The following CLIP1 variants were observed in gnomAD, a reference collection of about 807,000 sequenced individuals.
CLIP1 encodes the protein CAP-Gly domain containing linker protein 1, also known as CAP-Gly domain-containing linker protein 1.
A neutral mutation model predicts 161.6 loss-of-function variants in CLIP1; 66 were observed. The ratio of observed to expected loss-of-function variants is 0.41; its 90% CI spans 0.33 to 0.50. The LOEUF is 0.50. Among genes scored for constraint, CLIP1 ranks in the 20% least tolerant of loss-of-function variants. CLIP1 has a pLI of 0.27. For synonymous variants in CLIP1, 598 were observed against 626.2 expected, an observed-to-expected ratio of 0.96 and a Z score of 0.67; for missense variants, 1,376 against 1,702.0, an observed-to-expected ratio of 0.81 and a Z score of 3.37.
At chr12:122,400,893 G>C (rs1415872087) in intron 1 of CLIP1, 1 of 146,874 alleles carries the variant, frequency 6.8e-6, no homozygotes, top group Non-Finnish European at 1.5e-5. Context: ...AGCATTACAG[G>C]GTTTCCCAAC....
chr12:122,289,425 A>C (rs1376326868), intron 20 of CLIP1, among the ~76,000 whole-genome samples: 3 of 151,876 alleles, frequency 2.0e-5, no homozygotes, highest in Non-Finnish European at 4.4e-5. Flanking sequence ...TCTAAAAAAA[A>C]AAAATTGTTA....
Position 122,323,696 on chromosome 12 carries a change from G to C in CLIP1, c.3249+4251C>G, listed in dbSNP as rs769218477. On this transcript the variant is annotated intron_variant, in intron 17 of 25. Coordinates refer to ENST00000620786, the MANE Select transcript of CLIP1 (RefSeq NM_001247997.2). The surrounding 1 kb of genome is among the most constrained non-coding windows in gnomAD (Gnocchi z 4.1). ...AACATTATCTCGTTCTACCTTTAAG[G>C]CTATGCACGTGTTATCGAGATTGGA... The C allele has an allele frequency of 4.6e-5, 7 of 152,570 alleles. No homozygotes were observed. The highest frequency in any genetic ancestry group is 1.0e-4 in the Non-Finnish European group (7 of 68,036). The allele number at this position is 152,570 out of a possible 1,614,324, so 9.5% of individuals were successfully genotyped here.
chr12:122,352,921 A>C (rs1953117164), intron 7 of CLIP1, 135 bp from the exon 8 acceptor site: 2 of 704,296 alleles, frequency 2.8e-6, no homozygotes, highest in African/African-American at 3.6e-5. Flanking sequence ...TGGGAGGTGG[A>C]GGCAGGAGGA....
At chr12:122,300,865 A>C (rs12423987) in intron 20 of CLIP1, among the ~76,000 whole-genome samples, 32,535 of 152,028 alleles carry the variant, frequency 0.21, 4,728 homozygotes, top group East Asian at 0.62. Context: ...GCATTCACCA[A>C]ATGATCAAAA....
rs772814616 is a variant in CLIP1 at position 122,316,845 on chromosome 12, A to C, written c.3377T>G (p.Leu1126Arg). ...NAKLQNELDT[L>R]KENNLKNVEE... is the part of the protein sequence containing the mutation. ...CACATTTTTCAAGTTGTTTTCTTTA[A>C]GTGTGTCCAACTTAAAGACCAAGAG... is the stretch of plus-strand genomic sequence containing the variant. Residue 1126 changes from leucine to arginine, a missense_variant, in exon 19 of 26, where the codon CTT becomes CGT. Physicochemically the swap from Leu to Arg is moderately radical, Grantham distance 102. Coordinates refer to ENST00000620786, the MANE Select transcript of CLIP1 (RefSeq NM_001247997.2). 3.2e-6 allele frequency: 5 copies of C among 1,568,836 alleles called. No individual in the cohort carries two copies. The highest frequency in any genetic ancestry group is 4.3e-6 in the Non-Finnish European group (5 of 1,158,836).
At chr12:122,275,148 C>T (rs1955356101) in intron 24 of CLIP1, 1 of 152,026 alleles carries the variant, frequency 6.6e-6, no homozygotes, top group Non-Finnish European at 1.5e-5. Context: ...CTGTACCCAG[C>T]TGAAATTATT....
intron 21 of CLIP1, among the ~76,000 whole-genome samples, chr12:122,281,817 C>T (rs187922773): frequency 6.6e-6 from 1 of 152,100 alleles, no homozygotes; most frequent in Admixed American, 6.6e-5. Context: ...ATAAATCCAA[C>T]TCAAATTTGA....
At chr12:122,338,090 C>T (rs1368785638) in intron 11 of CLIP1, among the ~76,000 whole-genome samples, 1 of 151,472 alleles carries the variant, frequency 6.6e-6, no homozygotes, top group Admixed American at 6.6e-5. Context: ...TATCCCAGCA[C>T]ATTGGGAGGC....
At chr12:122,357,562 G>T (rs1208276393) in intron 5 of CLIP1, among the ~76,000 whole-genome samples, 3 of 68,914 alleles carry the variant, frequency 4.4e-5, no homozygotes, top group African/African-American at 2.1e-4. Context: ...GAGGTGGGGG[G>T]GGTCAGCCCC....
At chr12:122,349,216 A>G (rs1467987369) in intron 9 of CLIP1, among the ~76,000 whole-genome samples, 1 of 152,232 alleles carries the variant, frequency 6.6e-6, no homozygotes, top group Admixed American at 6.5e-5. Context: ...GTAGTAGGAA[A>G]AAGAAAAGGC....
chr12:122,412,055 ATTTTCT>A (rs1422535840), intron 1 of CLIP1, among the ~76,000 whole-genome samples: 2 of 93,864 alleles, frequency 2.1e-5, no homozygotes, highest in African/African-American at 4.6e-5. Context: ...ACAACCAGTT[ATTTTCT>A]TTTTTTTTTT....
chr12:122,380,257 AT>A (rs1286508371), intron 2 of CLIP1, 110 bp downstream of exon 2: 10 of 699,266 alleles, frequency 1.4e-5, no homozygotes, highest in Admixed American at 3.6e-5. Context: ...AAAAAAAAAA[AT>A]CTTTCAAATA....
intron 10 of CLIP1, among the ~76,000 whole-genome samples, chr12:122,345,711 T>C (rs945436773): frequency 1.1e-4 from 16 of 152,130 alleles, no homozygotes; most frequent in Non-Finnish European, 1.6e-4. Context: ...TCTGGGCAAT[T>C]TAGTCACTGA....
At chr12:122,298,418 GT>G (rs1410487264) in intron 20 of CLIP1, among the ~76,000 whole-genome samples, 1 of 151,890 alleles carries the variant, frequency 6.6e-6, no homozygotes, top group African/African-American at 2.4e-5. Context: ...CGTGGCCAAC[GT>G]GGCCAAACTC....
chr12:122,379,121 G>A (rs943772143), intron 2 of CLIP1, among the ~76,000 whole-genome samples: 6 of 149,778 alleles, frequency 4.0e-5, no homozygotes, highest in South Asian at 2.1e-4. Flanking sequence ...GTGAAACTCC[G>A]TCTCAAAAAA....
chr12:122,278,215 G>GT lies in CLIP1; in HGVS notation c.3917-13_3917-12insA. The GT allele has an allele frequency of 5.0e-6, 6 of 1,196,486 alleles. No homozygotes were observed. The highest frequency in any genetic ancestry group is 6.6e-6 in the Non-Finnish European group (6 of 915,076). 74.1% of individuals were successfully genotyped at this position (1,196,486 alleles called of 1,614,324 possible). A position where few individuals can be genotyped will look rare whatever the true frequency, so the allele number is the denominator to read the frequency against. Reference sequence around the variant, plus strand: ...AGTGTCTGTATTACCTTATATTTGAGGAAAAAAAAAAAAAAACAAGTGGAG... The same window carrying GT: ...AGTGTCTGTATTACCTTATATTTGAGTGAAAAAAAAAAAAAAACAAGTGGAG... On this transcript the variant is annotated splice_polypyrimidine_tract_variant and intron_variant, in intron 23 of 25. Coordinates refer to ENST00000620786, the MANE Select transcript of CLIP1 (RefSeq NM_001247997.2).
chr12:122,330,402 T>C (rs775536253), intron 15 of CLIP1, among the ~76,000 whole-genome samples: 23 of 152,260 alleles, frequency 1.5e-4, no homozygotes, highest in South Asian at 4.1e-4. Context: ...AATAGAACTT[T>C]GCAGGTATTA....
At position 122,336,742 on chromosome 12, in the gene CLIP1, T is replaced by A. The variant is rs776946641; in HGVS notation, c.2458A>T (p.Ser820Cys). 6.4e-7 allele frequency: 1 copy of A among 1,557,662 alleles called. No homozygotes were observed. The highest frequency in any genetic ancestry group is 1.1e-5 in the South Asian group (1 of 89,204). The change falls in exon 12 of 26, where the codon AGC becomes TGC. Residue 820 changes from serine to cysteine, a missense_variant. Coordinates refer to ENST00000620786, the MANE Select transcript of CLIP1 (RefSeq NM_001247997.2). The part of the protein sequence containing the change: ...EKNAESSKAS[S>C]ITRELQGREL... ...CTCCCCTGGAGCTCTCTGGTAATGCTACTAGCCTAACACACAGTGTTACAT... is the reference window on the plus strand; with the variant it reads ...CTCCCCTGGAGCTCTCTGGTAATGCAACTAGCCTAACACACAGTGTTACAT...
In CLIP1 at chr12:122,271,505, T is replaced by C. The variant is rs557738948; in HGVS notation, c.*1370A>G. The stretch of plus-strand genomic sequence containing the variant: ...AAATTTTAATACTGCTTTACATGTT[T>C]TCTGTTTGTGAAACAATTCGTATTA... On this transcript the variant is annotated 3_prime_UTR_variant, in exon 26 of 26. Coordinates refer to ENST00000620786, the MANE Select transcript of CLIP1 (RefSeq NM_001247997.2). The C allele has an allele frequency of 6.5e-6, 1 of 152,778 alleles. No homozygotes were observed. Among genetic ancestry groups the C allele is most frequent in the South Asian group, 2.1e-4 (1 of 4,832 alleles). The allele number at this position is 152,778 out of a possible 1,614,324, so 9.5% of individuals were successfully genotyped here. A position where few individuals can be genotyped will look rare whatever the true frequency, so the allele number is the denominator to read the frequency against.
Sources: gnomAD v4.1 joint callset for allele counts (sites outside exome capture counted in the v4.1 genomes callset) on GRCh38, gnomAD v4.1.1 for gene constraint, Gnocchi (gnomAD v3.1) non-coding constraint, MANE v1.5 for transcripts, NCBI Gene and HGNC (gene_info 2026-07-23, HGNC 2026-07-21) for gene names.